SYN3: variants seen among roughly 807,000 people sequenced by gnomAD.
The protein encoded by SYN3 is synapsin III.
Under a neutral mutation model 65.8 loss-of-function variants are expected in SYN3, and 35 were observed. That is an observed-to-expected ratio of 0.53 (90% CI 0.41 to 0.70). The LOEUF (loss-of-function observed/expected upper bound fraction) is 0.70, where lower values mean the gene tolerates loss of function less well. Ranked by LOEUF, SYN3 falls within the 30% of genes least tolerant of loss-of-function variation. The pLI, the probability that SYN3 is intolerant of heterozygous loss-of-function variation, is 0.00. For synonymous variants in SYN3, 270 were observed against 292.9 expected (o/e 0.92, Z 0.80); for missense variants, 680 against 749.0 (o/e 0.91, Z 1.08).
At chr22:32,827,882 C>G (rs182152987) in intron 6 of SYN3, among the ~76,000 whole-genome samples, 1 of 152,226 alleles carries the variant, frequency 6.6e-6, no homozygotes, top group Admixed American at 6.5e-5. Flanking sequence ...CCCCCAGATA[C>G]TCACTGGCTG....
intron 12 of SYN3, among the ~76,000 whole-genome samples, chr22:32,525,363 T>C (rs555613145): frequency 2.6e-5 from 4 of 152,206 alleles, no homozygotes; most frequent in Non-Finnish European, 5.9e-5. Flanking sequence ...CTGCTTCTTA[T>C]GGATAAGCTA....
intron 10 of SYN3, 65 bp from the exon 11 acceptor site, chr22:32,529,073 T>C: frequency 3.7e-6 from 6 of 1,603,778 alleles, no homozygotes; most frequent in Non-Finnish European, 5.1e-6. Flanking sequence ...GGGCATCACA[T>C]CCCAGAAGTG....
chr22:32,535,527 GT>G (rs1294188853), intron 9 of SYN3, among the ~76,000 whole-genome samples: 1 of 152,200 alleles, frequency 6.6e-6, no homozygotes, highest in African/African-American at 2.4e-5. Flanking sequence ...CAGGGTCCTC[GT>G]TTTTGGCCCC....
At chr22:32,629,335 T>G (rs1260917591) in intron 6 of SYN3, among the ~76,000 whole-genome samples, 1 of 152,206 alleles carries the variant, frequency 6.6e-6, no homozygotes, top group East Asian at 1.9e-4. Flanking sequence ...CCAGATGCCA[T>G]CTGGGTAACA....
chr22:32,598,675 G>A (rs947864341), intron 6 of SYN3, among the ~76,000 whole-genome samples: 5 of 151,794 alleles, frequency 3.3e-5, no homozygotes, highest in Non-Finnish European at 7.4e-5. Context: ...TAGTAGAGAC[G>A]GGGTTTCGCT....
rs559720670 is a variant in SYN3 at position 32,810,720 on chromosome 22, A to C, written c.711+54195T>G. 6.2e-4 allele frequency among the ~76,000 whole-genome samples: 95 copies of C among 152,322 alleles called. 1 individual carries two copies. The highest frequency in any genetic ancestry group is 2.2e-3 in the African/African-American group (93 of 41,574). On this transcript the variant is annotated intron_variant, in intron 6 of 13. Transcript: ENST00000358763. ...CATTCAGAAACTTCAGAGCTCCTGC[A>C]ATGCCTGGATTAGGATGTGGGGATG...
chr22:32,997,977 A>C (rs2052934193), intron 2 of SYN3, among the ~76,000 whole-genome samples: 1 of 149,968 alleles, frequency 6.7e-6, no homozygotes, highest in South Asian at 2.1e-4. Context: ...CAGTGAGCTG[A>C]GATTGAACCA....
chr22:32,541,836 G>C lies in SYN3; in HGVS notation c.775-123C>G, dbSNP rs2058261122. The C allele has an allele frequency of 3.4e-6, 4 of 1,164,586 alleles. No individual in the cohort carries two copies. In the East Asian group the frequency reaches 7.8e-5, roughly 23 times the overall value. The allele number at this position is 1,164,586 out of a possible 1,614,324, so 72.1% of individuals were successfully genotyped here. ...CCTTCAGAAGGTCACCTGCTGGCAGGGGAGACAGACACGGGAAGCAAATCA... is the reference window on the plus strand; with the variant it reads ...CCTTCAGAAGGTCACCTGCTGGCAGCGGAGACAGACACGGGAAGCAAATCA... On this transcript the variant is annotated intron_variant, in intron 7 of 13. Transcript: ENST00000358763.
At chr22:32,672,215 A>G (rs2060381505) in intron 6 of SYN3, among the ~76,000 whole-genome samples, 1 of 152,248 alleles carries the variant, frequency 6.6e-6, no homozygotes, top group Admixed American at 6.5e-5. Context: ...AAAGGTCTGC[A>G]TAGCCCTATT....
intron 6 of SYN3, among the ~76,000 whole-genome samples, chr22:32,747,429 T>C (rs1213889902): frequency 6.6e-6 from 1 of 152,230 alleles, no homozygotes; most frequent in African/African-American, 2.4e-5. Context: ...CCCATCAATA[T>C]TTAAAAATTA....
At chr22:32,937,166 G>A (rs538060075) in intron 3 of SYN3, among the ~76,000 whole-genome samples, 10 of 152,310 alleles carry the variant, frequency 6.6e-5, no homozygotes, top group East Asian at 3.9e-4. Context: ...CGTGGAAATG[G>A]AGAGATGATG....
intron 6 of SYN3, among the ~76,000 whole-genome samples, chr22:32,623,431 A>C (rs977465209): frequency 9.2e-5 from 14 of 152,298 alleles, no homozygotes; most frequent in African/African-American, 2.9e-4. Flanking sequence ...CCTGAGCTCA[A>C]GTGATCCTCC....
At chr22:32,790,860 G>A (rs747057765) in intron 6 of SYN3, among the ~76,000 whole-genome samples, 5 of 152,254 alleles carry the variant, frequency 3.3e-5, no homozygotes, top group African/African-American at 4.8e-5. Flanking sequence ...CTTCACCATC[G>A]CAGACAAGTA....
chr22:33,022,924 A>C (rs926924486), intron 1 of SYN3, among the ~76,000 whole-genome samples: 2 of 152,200 alleles, frequency 1.3e-5, no homozygotes, highest in Admixed American at 1.3e-4. Flanking sequence ...TATTCACAGG[A>C]TTTATTTACG....
Position 32,548,293 on chromosome 22 carries a change from C to T in SYN3, c.775-6580G>A, listed in dbSNP as rs2058363184. Among the ~76,000 whole-genome samples, 3 of 152,180 alleles carry T rather than the reference C, an allele frequency of 2.0e-5. No homozygotes were observed. In the South Asian group the frequency reaches 6.2e-4, roughly 31 times the overall value. On this transcript the variant is annotated intron_variant, in intron 7 of 13. Coordinates refer to ENST00000358763, the MANE Select transcript of SYN3 (RefSeq NM_003490.4). ...CGGTCTTGAACTCCTGAGTTCAAGC[C>T]ATCTGCCCACCTTGGCCTGGCAAAG...
intron 6 of SYN3, among the ~76,000 whole-genome samples, chr22:32,733,317 A>G (rs2061295386): frequency 6.6e-6 from 1 of 152,214 alleles, no homozygotes; most frequent in Non-Finnish European, 1.5e-5. Context: ...CACAATTATG[A>G]TGATGCATAG....
intron 7 of SYN3, among the ~76,000 whole-genome samples, chr22:32,555,334 C>T (rs2058478548): frequency 6.6e-6 from 1 of 152,190 alleles, no homozygotes; most frequent in Admixed American, 6.5e-5. Context: ...GGCCAAGATC[C>T]TTCCCAGAAA....
chr22:33,014,245 C>G (rs1330664009), intron 1 of SYN3, among the ~76,000 whole-genome samples: 1 of 152,114 alleles, frequency 6.6e-6, no homozygotes, highest in African/African-American at 2.4e-5. Context: ...GAATGGTATT[C>G]CATCGTGTGT....
At chr22:32,764,828 A>G (rs2045581316) in intron 6 of SYN3, among the ~76,000 whole-genome samples, 1 of 152,120 alleles carries the variant, frequency 6.6e-6, no homozygotes, top group Non-Finnish European at 1.5e-5. Context: ...GTGGGGAGCA[A>G]TGGCAAGCCT....
Sources: gnomAD v4.1 joint callset for allele counts (sites outside exome capture counted in the v4.1 genomes callset) on GRCh38, gnomAD v4.1.1 for gene constraint, MANE v1.5 for transcripts, NCBI Gene and HGNC (gene_info 2026-07-23, HGNC 2026-07-21) for gene names.